Variants in NECTIN3 observed in about 807,000 individuals in gnomAD.
NECTIN3 encodes nectin-3.
A neutral mutation model predicts 49.4 loss-of-function variants in NECTIN3; 8 were observed. That is an observed-to-expected ratio of 0.16 (90% CI 0.10 to 0.29). The LOEUF (loss-of-function observed/expected upper bound fraction) is 0.29. NECTIN3 is among the 10% of genes least tolerant of loss of function. The probability of loss-of-function intolerance (pLI) is 1.00; values close to 1 mark genes in which losing one functional copy is unlikely to be tolerated. For missense variants in NECTIN3, 581 were observed against 654.6 expected (o/e 0.89, Z 1.23); for synonymous variants, 277 against 241.1 (o/e 1.15, Z -1.38).
intron 5 of NECTIN3, among the ~76,000 whole-genome samples, chr3:111,143,263 A>G (rs921905921): frequency 1.3e-5 from 2 of 151,944 alleles, no homozygotes; most frequent in African/African-American, 4.8e-5. Context: ...ATTGAGCAAC[A>G]ATAGATAAAC....
In NECTIN3 at chr3:111,146,235, C is replaced by T. The variant is rs187356516; in HGVS notation, c.1140-1168C>T. On this transcript the variant is annotated intron_variant, in intron 6 of 8. Transcript: ENST00000493615. ...GGATCACGAGGTCAGGAGATCGAGA[C>T]CATCCCGGCTAAAACGGTGAAACCC... 3.2e-3 allele frequency among the ~76,000 whole-genome samples: 483 copies of T among 151,850 alleles called. 3 individuals carry two copies. Among genetic ancestry groups the T allele is most frequent in the African/African-American group, 0.011 (455 of 41,392 alleles).
intron 7 of NECTIN3, among the ~76,000 whole-genome samples, chr3:111,155,178 C>T (rs1269637079): frequency 1.3e-5 from 2 of 152,146 alleles, no homozygotes; most frequent in Admixed American, 6.5e-5. Flanking sequence ...CTTCTTGATC[C>T]GCCTGCCTCG....
At chr3:111,129,009 C>T (rs893419917) in intron 5 of NECTIN3, among the ~76,000 whole-genome samples, 1 of 152,174 alleles carries the variant, frequency 6.6e-6, no homozygotes, top group Non-Finnish European at 1.5e-5. Flanking sequence ...TCCAGATGAT[C>T]TCTCTAATTT....
intron 7 of NECTIN3, among the ~76,000 whole-genome samples, chr3:111,155,370 G>A (rs986519941): frequency 4.6e-5 from 7 of 152,276 alleles, no homozygotes; most frequent in East Asian, 1.9e-4. Context: ...ATTTAATCAA[G>A]ACTTGATTGA....
In NECTIN3 at chr3:111,071,972, G is replaced by C. The variant is rs1229341725; in HGVS notation, c.-46G>C. ...CAGAGCCTGAGGCGCCGGGGCCGGG[G>C]GAGCCGGGGGGCGGGCGGGCGAGCG... On this transcript the variant is annotated 5_prime_UTR_variant, in exon 1 of 6. Transcript: ENST00000485303. 4 of 1,350,100 alleles carry C rather than the reference G, an allele frequency of 3.0e-6. No homozygotes were observed. Among genetic ancestry groups the C allele is most frequent in the Non-Finnish European group, 3.9e-6 (4 of 1,038,008 alleles). 83.6% of individuals were successfully genotyped at this position (1,350,100 alleles called of 1,614,324 possible). A position where few individuals can be genotyped will look rare whatever the true frequency, so the allele number is the denominator to read the frequency against.
chr3:111,153,735 T>C (rs2035042820), intron 7 of NECTIN3, among the ~76,000 whole-genome samples: 1 of 152,124 alleles, frequency 6.6e-6, no homozygotes, highest in Admixed American at 6.5e-5. Context: ...TCCATACCTT[T>C]ATTATAAGCT....
chr3:111,093,968 G>C (rs905574204), intron 1 of NECTIN3, among the ~76,000 whole-genome samples: 1 of 151,990 alleles, frequency 6.6e-6, no homozygotes, highest in Non-Finnish European at 1.5e-5. Context: ...TGTAGATGCT[G>C]ATCTACTGCT....
In NECTIN3 at chr3:111,072,003, G is replaced by C. The variant is rs1357815278; in HGVS notation, c.-15G>C. ...GGGGGGCGGGCGGGCGAGCGGGCCG[G>C]GGGGAGGGTGGGGGATGGCGCGGAC... On this transcript the variant is annotated 5_prime_UTR_variant, in exon 1 of 6. Coordinates refer to ENST00000485303, the MANE Select transcript of NECTIN3 (RefSeq NM_015480.3). The C allele has an allele frequency of 2.0e-6, 3 of 1,483,916 alleles. No individual in the cohort carries two copies. Among genetic ancestry groups the C allele is most frequent in the Non-Finnish European group, 2.7e-6 (3 of 1,115,662 alleles). The allele number at this position is 1,483,916 out of a possible 1,614,324, so 91.9% of individuals were successfully genotyped here.
chr3:111,143,207 TA>T (rs1287430027), intron 5 of NECTIN3, among the ~76,000 whole-genome samples: 1 of 151,944 alleles, frequency 6.6e-6, no homozygotes, highest in African/African-American at 2.4e-5. Flanking sequence ...TGGGTTTCAA[TA>T]TTTTTTTTAA....
Position 111,134,985 on chromosome 3 carries a change from T to C in NECTIN3, c.*770T>C. ...ACATGATAATTATTAGTTTTTTTTT[T>C]TCCTTTCTGGAACATGGATTTTGGT... On this transcript the variant is annotated 3_prime_UTR_variant, in exon 6 of 6. Transcript: ENST00000485303. 1 of 980,182 alleles carries C rather than the reference T, an allele frequency of 1.0e-6. No individual in the cohort carries two copies. The highest frequency in any genetic ancestry group is 5.3e-4 in the Middle Eastern group (1 of 1,904). 60.7% of individuals were successfully genotyped at this position (980,182 alleles called of 1,614,324 possible).
intron 7 of NECTIN3, among the ~76,000 whole-genome samples, chr3:111,155,271 A>T (rs950957104): frequency 6.6e-6 from 1 of 152,134 alleles, no homozygotes; most frequent in Non-Finnish European, 1.5e-5. Context: ...AATTTTGATG[A>T]TGTTCAGATT....
At chr3:111,129,797 C>T (rs1435634603) in intron 5 of NECTIN3, among the ~76,000 whole-genome samples, 3 of 151,544 alleles carry the variant, frequency 2.0e-5, no homozygotes, top group East Asian at 3.9e-4. Context: ...TACAGGCACA[C>T]GCTGCCATGC....
At chr3:111,119,172 CCTTTTAAGAT>C (rs1350950685) in intron 3 of NECTIN3, among the ~76,000 whole-genome samples, 2 of 152,154 alleles carry the variant, frequency 1.3e-5, no homozygotes, top group African/African-American at 4.8e-5. Context: ...ATAACCATTT[CCTTTTAAGAT>C]CTTAAAAGTA....
At chr3:111,095,455 C>T (rs2032529033) in intron 1 of NECTIN3, among the ~76,000 whole-genome samples, 3 of 152,210 alleles carry the variant, frequency 2.0e-5, no homozygotes, top group Admixed American at 1.3e-4. Flanking sequence ...CTTTGATCAG[C>T]TTCTGTTCAG....
chr3:111,125,647 C>G (rs962653369), intron 4 of NECTIN3, among the ~76,000 whole-genome samples: 1 of 152,116 alleles, frequency 6.6e-6, no homozygotes, highest in African/African-American at 2.4e-5. Context: ...TATAGGAAGA[C>G]CCATTTTGCT....
At chr3:111,093,101 G>A (rs1296064261) in intron 1 of NECTIN3, among the ~76,000 whole-genome samples, 1 of 152,062 alleles carries the variant, frequency 6.6e-6, no homozygotes, top group African/African-American at 2.4e-5. Context: ...TTTATTCCTA[G>A]TCTATAGAAA....
At chr3:111,140,420 G>A (rs2034713088), downstream of NECTIN3, among the ~76,000 whole-genome samples, 1 of 150,972 alleles carries the variant, frequency 6.6e-6, no homozygotes, top group Admixed American at 6.6e-5. Flanking sequence ...ACTTCATACT[G>A]TAGCTAACTG....
intron 7 of NECTIN3, among the ~76,000 whole-genome samples, chr3:111,163,092 A>G (rs1445632165): frequency 2.6e-5 from 4 of 152,200 alleles, no homozygotes; most frequent in African/African-American, 7.2e-5. Flanking sequence ...GGCTGTAGTC[A>G]TCTGAATGCT....
At chr3:111,088,167 G>C (rs2032043465) in intron 1 of NECTIN3, among the ~76,000 whole-genome samples, 1 of 152,126 alleles carries the variant, frequency 6.6e-6, no homozygotes. Context: ...TGGGGTGGTA[G>C]AGGGAGAAGA....
Sources: gnomAD v4.1 joint callset for allele counts (sites outside exome capture counted in the v4.1 genomes callset) on GRCh38, gnomAD v4.1.1 for gene constraint, MANE v1.5 for transcripts, NCBI Gene and HGNC (gene_info 2026-07-23, HGNC 2026-07-21) for gene names.